TFEC: variants seen among roughly 807,000 people sequenced by gnomAD.
TFEC encodes the protein transcription factor EC, also known as class E basic helix-loop-helix protein 34.
A neutral mutation model predicts 41.6 loss-of-function variants in TFEC; 31 were observed. The ratio of observed to expected loss-of-function variants is 0.74; its 90% CI spans 0.56 to 1.01. The LOEUF (loss-of-function observed/expected upper bound fraction) is 1.01. Ranked by LOEUF, TFEC falls within the 50% of genes least tolerant of loss-of-function variation. The pLI is 0.00. For synonymous variants in TFEC, 143 were observed against 140.6 expected, an observed-to-expected ratio of 1.02 and a Z score of -0.12; for missense variants, 402 against 404.1, an observed-to-expected ratio of 0.99 and a Z score of 0.04.
intron 1 of TFEC, among the ~76,000 whole-genome samples, chr7:116,147,962 T>C (rs775075305): frequency 3.6e-4 from 55 of 152,020 alleles, no homozygotes; most frequent in Non-Finnish European, 6.3e-4. Context: ...CTCTAATAAA[T>C]AAGTAAAATA....
chr7:116,059,151 T>C (rs190659643), intron 3 of TFEC, among the ~76,000 whole-genome samples: 4 of 151,800 alleles, frequency 2.6e-5, no homozygotes, highest in Admixed American at 2.6e-4. Context: ...GAAATACAAA[T>C]CACCCAATAA....
chr7:116,075,616 T>A (rs1584485730), intron 3 of TFEC, among the ~76,000 whole-genome samples: 1 of 151,854 alleles, frequency 6.6e-6, no homozygotes, highest in Admixed American at 6.6e-5. Context: ...CTGCTGGATT[T>A]CCCCCACTTC....
chr7:115,961,185 A>C (rs775373180), intron 3 of TFEC, among the ~76,000 whole-genome samples: 4 of 151,708 alleles, frequency 2.6e-5, no homozygotes, highest in Non-Finnish European at 4.4e-5. Context: ...CACATGAAGA[A>C]ATAGTGAATA....
intron 1 of TFEC, chr7:116,120,460 T>C (rs1798087129): frequency 6.6e-6 from 1 of 151,888 alleles, no homozygotes; most frequent in Admixed American, 6.6e-5. Context: ...CAGAATTTCA[T>C]GCGCCACCCA....
intron 3 of TFEC, among the ~76,000 whole-genome samples, chr7:116,103,589 A>C (rs1020572065): frequency 2.0e-5 from 3 of 152,214 alleles, no homozygotes; most frequent in African/African-American, 7.2e-5. Context: ...GTAATGTGGA[A>C]TAGAAATTAT....
At chr7:116,054,634 T>A (rs1001530859) in intron 3 of TFEC, among the ~76,000 whole-genome samples, 2 of 152,140 alleles carry the variant, frequency 1.3e-5, no homozygotes, top group African/African-American at 4.8e-5. Context: ...CCAGATACAT[T>A]TGAATTTCAG....
intron 1 of TFEC, among the ~76,000 whole-genome samples, chr7:116,149,835 C>T (rs1356449032): frequency 2.0e-5 from 3 of 152,122 alleles, no homozygotes; most frequent in Non-Finnish European, 4.4e-5. Flanking sequence ...GCCTTTTCTC[C>T]TGAGATCAGA....
intron 1 of TFEC, among the ~76,000 whole-genome samples, chr7:116,158,644 A>G (rs1259503344): frequency 2.0e-5 from 3 of 152,138 alleles, no homozygotes; most frequent in Non-Finnish European, 4.4e-5. Context: ...GTACAAAAAT[A>G]TATTATGAAG....
At chr7:116,073,150 T>C (rs1796871066) in intron 3 of TFEC, among the ~76,000 whole-genome samples, 1 of 151,626 alleles carries the variant, frequency 6.6e-6, no homozygotes, top group East Asian at 1.9e-4. Context: ...GACTGCAAGA[T>C]GCAAGATCAA....
intron 1 of TFEC, among the ~76,000 whole-genome samples, chr7:116,003,580 G>C (rs566190731): frequency 1.3e-5 from 2 of 151,970 alleles, no homozygotes; most frequent in Admixed American, 1.3e-4. Context: ...GATTGAATCC[G>C]ACAGGCAGAA....
At chr7:116,027,855 C>T (rs1467800660) in intron 1 of TFEC, among the ~76,000 whole-genome samples, 3 of 152,162 alleles carry the variant, frequency 2.0e-5, no homozygotes, top group African/African-American at 7.2e-5. Context: ...TCCACCTCTA[C>T]GTCCTAGACT....
At chr7:116,067,015 T>C (rs1328944340) in intron 3 of TFEC, among the ~76,000 whole-genome samples, 1 of 152,010 alleles carries the variant, frequency 6.6e-6, no homozygotes, top group Non-Finnish European at 1.5e-5. Flanking sequence ...TGATATAAAG[T>C]ATCAAATCAG....
chr7:116,118,119 G>A (rs1163268943), intron 1 of TFEC, among the ~76,000 whole-genome samples: 2 of 151,708 alleles, frequency 1.3e-5, no homozygotes, highest in Non-Finnish European at 2.9e-5. Context: ...TTAACCCATG[G>A]CATGCCAAAG....
At chr7:116,152,419 G>A (rs937867170) in intron 1 of TFEC, among the ~76,000 whole-genome samples, 5 of 152,200 alleles carry the variant, frequency 3.3e-5, no homozygotes, top group African/African-American at 1.2e-4. Context: ...GTTTACCAAA[G>A]TAAAAAGAGC....
intron 3 of TFEC, among the ~76,000 whole-genome samples, chr7:116,098,034 T>A (rs1562968404): frequency 6.6e-6 from 1 of 152,148 alleles, no homozygotes; most frequent in Admixed American, 6.5e-5. Context: ...TCTAAACATA[T>A]CAATCAAAAG....
At chr7:116,120,770 T>C (rs1446512734) in intron 1 of TFEC, among the ~76,000 whole-genome samples, 2 of 151,926 alleles carry the variant, frequency 1.3e-5, no homozygotes, top group African/African-American at 4.8e-5. Context: ...TAGGGAGAGG[T>C]ATAGTTCAGT....
At chr7:116,016,692 T>C (rs1795204527) in intron 1 of TFEC, among the ~76,000 whole-genome samples, 1 of 151,762 alleles carries the variant, frequency 6.6e-6, no homozygotes, top group Non-Finnish European at 1.5e-5. Context: ...ATATATAATA[T>C]ATAGTATATT....
chr7:115,989,839 G>C (rs1584648989), intron 1 of TFEC, among the ~76,000 whole-genome samples: 1 of 152,212 alleles, frequency 6.6e-6, no homozygotes, highest in Non-Finnish European at 1.5e-5. Flanking sequence ...AATGTCTGCA[G>C]ACTTAAACGT....
chr7:116,064,742 G>T (rs2131002023), intron 3 of TFEC, among the ~76,000 whole-genome samples: 1 of 152,038 alleles, frequency 6.6e-6, no homozygotes, highest in Non-Finnish European at 1.5e-5. Context: ...CTGAATTAGT[G>T]GCAACTTATG....
Sources: allele counts gnomAD v4.1 joint callset (sites outside exome capture counted in the v4.1 genomes callset), GRCh38; gene constraint gnomAD v4.1.1; transcripts MANE v1.5; gene names NCBI Gene and HGNC (gene_info 2026-07-23, HGNC 2026-07-21).